Variants in FRMD5 observed in about 807,000 individuals in gnomAD.
The protein encoded by FRMD5 is FERM domain-containing protein 5.
A neutral mutation model predicts 69.0 loss-of-function variants in FRMD5; 20 were observed. That is an observed-to-expected ratio of 0.29 (90% CI 0.20 to 0.42). The LOEUF (loss-of-function observed/expected upper bound fraction) is 0.42, where lower values mean the gene tolerates loss of function less well. Ranked by LOEUF, FRMD5 falls within the 10% of genes least tolerant of loss-of-function variation. FRMD5 has a pLI of 1.00. For synonymous variants in FRMD5, 271 were observed against 260.1 expected, an observed-to-expected ratio of 1.04 and a Z score of -0.40; for missense variants, 595 against 708.6, an observed-to-expected ratio of 0.84 and a Z score of 1.82.
chr15:43,873,878 T>C lies in FRMD5; in HGVS notation c.*7A>G, dbSNP rs1431885355. On this transcript the variant is annotated 3_prime_UTR_variant, in exon 14 of 14. Coordinates refer to ENST00000417257, the MANE Select transcript of FRMD5 (RefSeq NM_032892.5). ...CCTGGCTAGTTTTTGGGAGGAGTCA[T>C]GCCTTCTCAGGTGTCAATGAGCAGG... is the stretch of plus-strand genomic sequence containing the variant. The C allele has an allele frequency of 9.3e-6, 15 of 1,612,372 alleles. No homozygotes were observed. Among genetic ancestry groups the C allele is most frequent in the Non-Finnish European group, 1.3e-5 (15 of 1,178,800 alleles).
At chr15:43,900,375 A>G (rs928327682) in intron 7 of FRMD5, among the ~76,000 whole-genome samples, 5 of 152,162 alleles carry the variant, frequency 3.3e-5, no homozygotes, top group African/African-American at 1.2e-4. Context: ...CCAAATGTCA[A>G]TTCTCTGGTA....
At chr15:44,003,111 C>T (rs994844093) in intron 1 of FRMD5, among the ~76,000 whole-genome samples, 2 of 152,138 alleles carry the variant, frequency 1.3e-5, no homozygotes, top group East Asian at 1.9e-4. Flanking sequence ...GATAAAAAAC[C>T]CTGGAATCAT....
Position 43,888,212 on chromosome 15 carries a change from G to C in FRMD5, c.847C>G (p.Leu283Val), listed in dbSNP as rs1228670802. 6.2e-7 allele frequency: 1 copy of C among 1,614,070 alleles called. No homozygotes were observed. ...FAPTPEACKHLWKCGIENQAF... is the reference protein window; with the variant it reads ...FAPTPEACKHVWKCGIENQAF... ...TGGTTCTCGATTCCACATTTCCAGA[G>C]GTGCTTACACGCTTCAGGAGTTGGA... is the stretch of plus-strand genomic sequence containing the variant. Residue 283 changes from leucine (L) to valine (V), a missense_variant, in exon 10 of 14, where the codon CTC becomes GTC. Coordinates refer to ENST00000417257, the MANE Select transcript of FRMD5 (RefSeq NM_032892.5).
intron 5 of FRMD5, 137 bp from the exon 6 acceptor site, chr15:43,906,088 C>T: frequency 8.7e-7 from 1 of 1,145,760 alleles, no homozygotes; most frequent in Non-Finnish European, 1.3e-6. Flanking sequence ...CTGAGCACGG[C>T]TGTGGGCTGG....
chr15:43,990,836 T>C (rs1466450772), intron 1 of FRMD5, among the ~76,000 whole-genome samples: 1 of 152,236 alleles, frequency 6.6e-6, no homozygotes, highest in Admixed American at 6.5e-5. Flanking sequence ...GAAGTGGTAA[T>C]TTAACTATGG....
Position 44,146,298 on chromosome 15 carries a change from G to A in FRMD5, c.102+48655C>T, listed in dbSNP as rs746414556. The stretch of plus-strand genomic sequence containing the variant: ...AGTTTGCTGAGGATAATGGTTTCCC[G>A]CTCCATCCATGTCCCTGCAAAGGAC... On this transcript the variant is annotated intron_variant, in intron 1 of 13. Transcript: ENST00000417257. Among the ~76,000 whole-genome samples, 12 of 152,126 alleles carry A rather than the reference G, an allele frequency of 7.9e-5. No homozygotes were observed. In the South Asian group the frequency reaches 2.1e-3, roughly 26 times the overall value.
intron 1 of FRMD5, among the ~76,000 whole-genome samples, chr15:44,024,419 A>G (rs910405792): frequency 6.6e-6 from 1 of 152,196 alleles, no homozygotes; most frequent in Non-Finnish European, 1.5e-5. Flanking sequence ...TTTTGTACCT[A>G]GCATTGTGCA....
chr15:44,011,464 G>T (rs1053256302), intron 1 of FRMD5, among the ~76,000 whole-genome samples: 1 of 152,158 alleles, frequency 6.6e-6, no homozygotes, highest in Non-Finnish European at 1.5e-5. Context: ...GCCCAGGAGA[G>T]AAATAGAAGA....
intron 1 of FRMD5, among the ~76,000 whole-genome samples, chr15:44,004,859 G>A (rs1890367387): frequency 6.6e-6 from 1 of 152,232 alleles, no homozygotes; most frequent in African/African-American, 2.4e-5. Context: ...TAGGCTTCTT[G>A]AGCCAAATAG....
At position 43,881,743 on chromosome 15, in the gene FRMD5, CT is replaced by C. The variant is rs529454760; in HGVS notation, c.1135+1959del. ...TTTTACAAATGGAGCAATGAAGATA[CT>C]CAAGTAACTTGATGGTGTTTGTCTA... On this transcript the variant is annotated intron_variant, in intron 13 of 13. Transcript: ENST00000417257. 1.1e-3 allele frequency among the ~76,000 whole-genome samples: 171 copies of C among 152,280 alleles called. 1 individual carries two copies. Among genetic ancestry groups the C allele is most frequent in the Middle Eastern group, 6.8e-3 (2 of 294 alleles).
intron 1 of FRMD5, among the ~76,000 whole-genome samples, chr15:44,086,547 G>A (rs1290681720): frequency 6.6e-6 from 1 of 152,160 alleles, no homozygotes; most frequent in Non-Finnish European, 1.5e-5. Context: ...GTTGCCAGGG[G>A]CTGCAGGTAG....
At chr15:43,943,429 A>T (rs1026964683) in intron 1 of FRMD5, among the ~76,000 whole-genome samples, 5 of 152,166 alleles carry the variant, frequency 3.3e-5, no homozygotes, top group Non-Finnish European at 7.4e-5. Context: ...GAACTGTAAG[A>T]CCTTGGATAT....
intron 7 of FRMD5, among the ~76,000 whole-genome samples, chr15:43,892,451 A>T (rs1481530121): frequency 6.6e-6 from 1 of 152,240 alleles, no homozygotes; most frequent in Non-Finnish European, 1.5e-5. Flanking sequence ...TAGAGTTACC[A>T]TATGACCCAG....
intron 1 of FRMD5, among the ~76,000 whole-genome samples, chr15:44,170,465 G>A (rs369210549): frequency 1.3e-5 from 2 of 151,220 alleles, no homozygotes; most frequent in South Asian, 2.1e-4. Flanking sequence ...GGAGGTTGCA[G>A]TAAGCCGAGA....
chr15:43,985,019 G>A (rs1889318965), intron 1 of FRMD5, among the ~76,000 whole-genome samples: 1 of 150,138 alleles, frequency 6.7e-6, no homozygotes, highest in Non-Finnish European at 1.5e-5. Flanking sequence ...GGTGGCTCAC[G>A]CCTGTAATTT....
chr15:43,879,634 G>A (rs375749720), intron 13 of FRMD5: 5 of 399,046 alleles, frequency 1.3e-5, no homozygotes, highest in East Asian at 3.6e-5. Flanking sequence ...AGCTGGACCC[G>A]GACTCTGGTG....
At position 43,896,705 on chromosome 15, in the gene FRMD5, C is replaced by T. The variant is rs1358817108; in HGVS notation, c.640-4636G>A. On this transcript the variant is annotated intron_variant, in intron 7 of 13. Coordinates refer to ENST00000417257, the MANE Select transcript of FRMD5 (RefSeq NM_032892.5). ...GTCTCCTGCCACCCTAGAGGACACACTGGGTGTGACTGAGTAGGCAACACA... is the reference window on the plus strand; with the variant it reads ...GTCTCCTGCCACCCTAGAGGACACATTGGGTGTGACTGAGTAGGCAACACA... 2.0e-5 allele frequency among the ~76,000 whole-genome samples: 3 copies of T among 152,240 alleles called. No homozygotes were observed. The East Asian group carries it at 5.8e-4, about 29-fold the overall frequency.
intron 1 of FRMD5, among the ~76,000 whole-genome samples, chr15:44,006,309 C>G (rs1174238842): frequency 2.0e-5 from 3 of 151,456 alleles, no homozygotes; most frequent in African/African-American, 7.3e-5. Context: ...ACCTGCTGCT[C>G]AAAAAGAAAA....
At chr15:43,904,559 G>A (rs918815511) in intron 6 of FRMD5, among the ~76,000 whole-genome samples, 11 of 151,850 alleles carry the variant, frequency 7.2e-5, no homozygotes, top group Admixed American at 2.6e-4. Flanking sequence ...TTCATTTTTA[G>A]TAGAGACAGG....
Sources: gnomAD v4.1 joint callset for allele counts (sites outside exome capture counted in the v4.1 genomes callset) on GRCh38, gnomAD v4.1.1 for gene constraint, MANE v1.5 for transcripts, NCBI Gene and HGNC (gene_info 2026-07-23, HGNC 2026-07-21) for gene names.